PTK7: variants seen among roughly 807,000 people sequenced by gnomAD.
PTK7 encodes protein tyrosine kinase 7 (inactive), also known as inactive tyrosine-protein kinase 7.
In PTK7, 39 loss-of-function variants were observed where a neutral mutation model predicts 116.6. The observed-to-expected ratio is 0.33, with a 90% confidence interval of 0.26 to 0.44. PTK7 has a LOEUF of 0.44. Among genes scored for constraint, PTK7 ranks in the 20% least tolerant of loss-of-function variants. The probability of loss-of-function intolerance (pLI) is 1.00; values close to 1 mark genes in which losing one functional copy is unlikely to be tolerated. For synonymous variants in PTK7, 546 were observed against 563.6 expected (o/e 0.97, Z 0.44); for missense variants, 1,169 against 1,425.6 (o/e 0.82, Z 2.90).
intron 1 of PTK7, among the ~76,000 whole-genome samples, chr6:43,100,413 T>TA (rs1007223227): frequency 1.5e-4 from 22 of 148,920 alleles, no homozygotes; most frequent in East Asian, 5.9e-4. Flanking sequence ...AGGGTTTTTT[T>TA]AAAAAAAAAT....
chr6:43,096,384 G>A (rs1767252838), intron 1 of PTK7, among the ~76,000 whole-genome samples: 2 of 151,920 alleles, frequency 1.3e-5, no homozygotes, highest in South Asian at 4.2e-4. Flanking sequence ...GGTGAAGGAG[G>A]ACCGGGATCC....
Position 43,157,353 on chromosome 6 carries a change from TATATA to T in PTK7, c.2722-1463_2722-1459del, listed in dbSNP as rs1359400129. On this transcript the variant is annotated intron_variant, in intron 17 of 19. Transcript: ENST00000230419. Reference sequence around the variant, plus strand: ...ATATATATATATATATATATATATATATATATATATATTTTTTTTTTTCTTTTTTT... The same window carrying T: ...ATATATATATATATATATATATATATTATATATTTTTTTTTTTCTTTTTTT... Among the ~76,000 whole-genome samples the T allele has an allele frequency of 3.0e-3, 31 of 10,310 alleles. 1 individual carries two copies. The highest frequency in any genetic ancestry group is 4.0e-3 in the Non-Finnish European group (20 of 4,940). 6.8% of individuals were successfully genotyped at this position (10,310 alleles called of 152,430 possible).
In PTK7 at chr6:43,132,135, T is replaced by C. The variant is rs1276287810; in HGVS notation, c.932T>C (p.Ile311Thr). Residue 311 changes from isoleucine (I) to threonine (T), a missense_variant, in exon 6 of 20, where the codon ATC (isoleucine) becomes ACC (threonine). Around this residue, in one of 3 missense-constraint regions of PTK7, gnomAD observed 487 missense variants for 549.8 expected, o/e 0.89. Coordinates refer to ENST00000230419, the MANE Select transcript of PTK7 (RefSeq NM_002821.5). ...GGCCAGGGGCAGAGGGGCCCACCCATCATCCTGGAAGCCACACTTCACCTA... is the reference window on the plus strand; with the variant it reads ...GGCCAGGGGCAGAGGGGCCCACCCACCATCCTGGAAGCCACACTTCACCTA... ...CIGQGQRGPP[I>T]ILEATLHLAE... is the part of the protein sequence containing the mutation. 6.2e-7 allele frequency: 1 copy of C among 1,612,152 alleles called. No individual in the cohort carries two copies. The highest frequency in any genetic ancestry group is 2.2e-5 in the East Asian group (1 of 44,808).
At chr6:43,099,025 A>G (rs1268844978) in intron 1 of PTK7, among the ~76,000 whole-genome samples, 1 of 151,986 alleles carries the variant, frequency 6.6e-6, no homozygotes, top group Non-Finnish European at 1.5e-5. Context: ...ATTTACGATT[A>G]TTAATTTTCT....
intron 17 of PTK7, among the ~76,000 whole-genome samples, chr6:43,153,160 G>A (rs1461029857): frequency 1.3e-5 from 2 of 150,940 alleles, no homozygotes; most frequent in African/African-American, 4.9e-5. Flanking sequence ...ACCCAGGCTG[G>A]AGTGCAGTGG....
intron 10 of PTK7, among the ~76,000 whole-genome samples, chr6:43,140,468 A>AAT (rs1554158602): frequency 1.5e-4 from 23 of 151,976 alleles, no homozygotes; most frequent in African/African-American, 5.6e-4. Flanking sequence ...AAAAAAAAAA[A>AAT]ATATTGGGAG....
chr6:43,113,247 A>G (rs1768288974), intron 1 of PTK7, among the ~76,000 whole-genome samples: 1 of 152,070 alleles, frequency 6.6e-6, no homozygotes, highest in African/African-American at 2.4e-5. Flanking sequence ...AGCCTAGCCA[A>G]GATGGTGAAA....
At chr6:43,107,143 G>A (rs1582104266) in intron 1 of PTK7, among the ~76,000 whole-genome samples, 2 of 148,404 alleles carry the variant, frequency 1.3e-5, no homozygotes, top group East Asian at 2.0e-4. Context: ...GACTGGTCTC[G>A]AACTCCTGAC....
At chr6:43,151,935 C>T (rs1013182175) in intron 17 of PTK7, among the ~76,000 whole-genome samples, 19 of 150,524 alleles carry the variant, frequency 1.3e-4, no homozygotes, top group Admixed American at 3.3e-4. Context: ...AGCTCCGCCT[C>T]CCGGGTTCAC....
intron 1 of PTK7, among the ~76,000 whole-genome samples, chr6:43,080,565 C>T (rs1418143084): frequency 6.6e-6 from 1 of 152,188 alleles, no homozygotes; most frequent in Non-Finnish European, 1.5e-5. Flanking sequence ...GACTCATTGG[C>T]AGGCCCTGTG....
intron 17 of PTK7, among the ~76,000 whole-genome samples, chr6:43,153,321 G>C (rs1465781350): frequency 4.6e-5 from 7 of 150,944 alleles, no homozygotes; most frequent in Non-Finnish European, 1.0e-4. Flanking sequence ...CTGTGCGTTA[G>C]GCAGGATGGT....
Position 43,142,024 on chromosome 6 carries a change from C to T in PTK7, c.1862C>T (p.Pro621Leu), listed in dbSNP as rs1363356585. The change falls in exon 12 of 20, where the codon CCG (proline) becomes CTG (leucine). Residue 621 changes from proline to leucine, a missense_variant. Pro to Leu is a moderately conservative substitution (Grantham distance 98). Coordinates refer to ENST00000230419, the MANE Select transcript of PTK7 (RefSeq NM_002821.5). ...TGCGAGGCCCAGGGGGACCCCAAGCCGCTGATTCAGTGGAAAGGCAAGGAC... is the reference window on the plus strand; with the variant it reads ...TGCGAGGCCCAGGGGGACCCCAAGCTGCTGATTCAGTGGAAAGGCAAGGAC... ...LQCEAQGDPK[P>L]LIQWKGKDRI... 6.2e-7 allele frequency: 1 copy of T among 1,613,948 alleles called. No individual in the cohort carries two copies. The highest frequency in any genetic ancestry group is 1.7e-5 in the Admixed American group (1 of 60,022).
At chr6:43,097,848 C>G (rs867589350) in intron 1 of PTK7, among the ~76,000 whole-genome samples, 1 of 152,136 alleles carries the variant, frequency 6.6e-6, no homozygotes. Context: ...TTTCTGTTTT[C>G]CATTTTATCA....
At position 43,145,193 on chromosome 6, in the gene PTK7, C is replaced by T. The variant is rs987204164; in HGVS notation, c.2408-7C>T. 19 of 1,599,006 alleles carry T rather than the reference C, an allele frequency of 1.2e-5. No homozygotes were observed. Among genetic ancestry groups the T allele is most frequent in the Non-Finnish European group, 1.5e-5 (18 of 1,171,764 alleles). ...AGGTGGCTGGCTGACTCAGACTGTACCCACAGGGAAGAGTGAGTTTGGGGA... is the reference window on the plus strand; with the variant it reads ...AGGTGGCTGGCTGACTCAGACTGTATCCACAGGGAAGAGTGAGTTTGGGGA... On this transcript the variant is annotated splice_polypyrimidine_tract_variant and splice_region_variant and intron_variant, in intron 15 of 19. Transcript: ENST00000230419. The surrounding 1 kb of genome is among the most constrained non-coding windows in gnomAD (Gnocchi z 4.8).
intron 1 of PTK7, among the ~76,000 whole-genome samples, chr6:43,084,249 G>C (rs946674195): frequency 1.3e-5 from 2 of 152,118 alleles, no homozygotes; most frequent in African/African-American, 4.8e-5. Flanking sequence ...TCCCGCCTCC[G>C]CCTCCCAAGT....
Position 43,145,164 on chromosome 6 carries a change from G to A in PTK7, c.2408-36G>A. The A allele has an allele frequency of 6.4e-7, 1 of 1,556,280 alleles. No homozygotes were observed. Among genetic ancestry groups the A allele is most frequent in the Non-Finnish European group, 8.7e-7 (1 of 1,146,636 alleles). On this transcript the variant is annotated intron_variant, in intron 15 of 19. Transcript: ENST00000230419. This position sits in a 1 kb window ranked among gnomAD's most constrained non-coding sequence, Gnocchi z 4.8. ...CAGGTCAGGAGCTGCCTCGGCCTGG[G>A]TGAAGGTGGCTGGCTGACTCAGACT...
At chr6:43,101,588 A>C (rs999259478) in intron 1 of PTK7, among the ~76,000 whole-genome samples, 9 of 151,984 alleles carry the variant, frequency 5.9e-5, no homozygotes, top group African/African-American at 1.9e-4. Context: ...AGATAGTTGT[A>C]TCAAATAGTT....
At chr6:43,106,926 A>ATT (rs36100312) in intron 1 of PTK7, among the ~76,000 whole-genome samples, 1 of 114,992 alleles carries the variant, frequency 8.7e-6, no homozygotes, top group African/African-American at 3.1e-5. Context: ...TCTTCCCTGA[A>ATT]TTTTTTTTTT....
intron 14 of PTK7, 98 bp from the exon 15 acceptor site, chr6:43,144,353 A>G (rs1228920370): frequency 2.0e-6 from 3 of 1,495,608 alleles, no homozygotes; most frequent in African/African-American, 2.8e-5. Context: ...ATTGGACCCA[A>G]GTTGGCAAGA....
Sources: gnomAD v4.1 joint callset for allele counts (sites outside exome capture counted in the v4.1 genomes callset) on GRCh38, gnomAD v4.1.1 for gene constraint, gnomAD v4.1.1 regional missense constraint, Gnocchi (gnomAD v3.1) non-coding constraint, MANE v1.5 for transcripts, NCBI Gene and HGNC (gene_info 2026-07-23, HGNC 2026-07-21) for gene names.